The following ADAM12 variants were observed in gnomAD, a reference collection of about 807,000 sequenced individuals.
The protein encoded by ADAM12 is disintegrin and metalloproteinase domain-containing protein 12.
ADAM12 carries 70 observed loss-of-function variants against 106.4 expected under a neutral mutation model. The observed-to-expected ratio is 0.66, with a 90% CI of 0.54 to 0.80. The LOEUF (loss-of-function observed/expected upper bound fraction) is 0.80, where lower values mean the gene tolerates loss of function less well. Among genes scored for constraint, ADAM12 ranks in the 30% least tolerant of loss-of-function variants. The pLI is 0.00. For missense variants in ADAM12, 1,010 were observed against 1,171.9 expected (o/e 0.86, Z 2.02); for synonymous variants, 420 against 433.5 (o/e 0.97, Z 0.39).
At chr10:126,243,965 C>T (rs1270992799) in intron 3 of ADAM12, among the ~76,000 whole-genome samples, 3 of 152,120 alleles carry the variant, frequency 2.0e-5, no homozygotes, top group Non-Finnish European at 4.4e-5. Context: ...TATCAAAATC[C>T]GGGGGATGAC....
intron 3 of ADAM12, among the ~76,000 whole-genome samples, chr10:126,236,138 C>T (rs1958411311): frequency 6.6e-6 from 1 of 152,214 alleles, no homozygotes; most frequent in African/African-American, 2.4e-5. Context: ...GGAATGCCCT[C>T]ACTTGGGAGC....
At position 126,163,284 on chromosome 10, in the gene ADAM12, G is replaced by C. The variant is rs187982318; in HGVS notation, c.261-7979C>G. ...GAGAGCTGTTCTCTTTCTTGGACAC[G>C]TCATGGGAGCAGGTGACTCCTACGG... On this transcript the variant is annotated intron_variant, in intron 3 of 22. Coordinates refer to ENST00000448723, the MANE Select transcript of ADAM12 (RefSeq NM_001288973.2). Among the ~76,000 whole-genome samples, 17 of 152,310 alleles carry C rather than the reference G, an allele frequency of 1.1e-4. No homozygotes were observed. The East Asian group carries it at 3.3e-3, about 29-fold the overall frequency.
At chr10:126,228,912 T>A (rs2011760) in intron 3 of ADAM12, among the ~76,000 whole-genome samples, 1 of 152,182 alleles carries the variant, frequency 6.6e-6, no homozygotes, top group Admixed American at 6.5e-5. Context: ...TTTTATAGAT[T>A]AAGGTTAAAA....
intron 3 of ADAM12, among the ~76,000 whole-genome samples, chr10:126,167,800 T>C (rs1165224083): frequency 1.3e-5 from 2 of 152,222 alleles, no homozygotes; most frequent in Non-Finnish European, 2.9e-5. Context: ...ACATGGTCTA[T>C]GATGTGGGAG....
chr10:126,200,881 G>T (rs1421653815), intron 3 of ADAM12, among the ~76,000 whole-genome samples: 1 of 151,128 alleles, frequency 6.6e-6, no homozygotes, highest in African/African-American at 2.5e-5. Context: ...GGTGGTGGTG[G>T]TTAAATCAAA....
At chr10:126,272,546 G>A (rs1349767930) in intron 3 of ADAM12, among the ~76,000 whole-genome samples, 1 of 152,220 alleles carries the variant, frequency 6.6e-6, no homozygotes, top group Non-Finnish European at 1.5e-5. Context: ...TTCTGATAAA[G>A]ATCAGTTAAT....
intron 3 of ADAM12, among the ~76,000 whole-genome samples, chr10:126,213,325 G>A (rs761928576): frequency 3.9e-5 from 6 of 152,104 alleles, no homozygotes; most frequent in Non-Finnish European, 5.9e-5. Flanking sequence ...CATATGGTTC[G>A]TTCTTTAGAT....
chr10:126,071,614 C>T lies in ADAM12; in HGVS notation c.1186G>A (p.Asp396Asn). 1 of 1,614,148 alleles carries T rather than the reference C, an allele frequency of 6.2e-7. No homozygotes were observed. The highest frequency in any genetic ancestry group is 1.7e-5 in the Admixed American group (1 of 60,024). ...PMVFSSCSRK[D>N]LETSLEKGMG... ...CCTTTCTCCAGGCTGGTCTCCAAGT[C>T]CTTCCTGCTGCAACTGCTGAACACC... Residue 396 changes from aspartate (D) to asparagine (N), a missense_variant, in exon 12 of 23, where the codon GAC becomes AAC. Physicochemically the swap from Asp to Asn is conservative, Grantham distance 23. Around this residue, in one of 3 missense-constraint regions of ADAM12, gnomAD observed 615 missense variants for 708.5 expected, o/e 0.87. Coordinates refer to ENST00000448723, the MANE Select transcript of ADAM12 (RefSeq NM_001288973.2).
At chr10:126,301,588 G>A (rs1319986457) in intron 2 of ADAM12, among the ~76,000 whole-genome samples, 2 of 152,112 alleles carry the variant, frequency 1.3e-5, no homozygotes, top group East Asian at 3.9e-4. Flanking sequence ...TAAGGGGTGG[G>A]GTGGCTGACA....
At chr10:126,170,666 A>G (rs1445143319) in intron 3 of ADAM12, among the ~76,000 whole-genome samples, 1 of 152,202 alleles carries the variant, frequency 6.6e-6, no homozygotes, top group Non-Finnish European at 1.5e-5. Flanking sequence ...GAAGGATTGT[A>G]AAATATAAAA....
chr10:126,116,096 C>T (rs1955977206), intron 6 of ADAM12, among the ~76,000 whole-genome samples: 1 of 152,202 alleles, frequency 6.6e-6, no homozygotes, highest in Non-Finnish European at 1.5e-5. Flanking sequence ...CTCCCCATTT[C>T]TCCACAAGTC....
intron 4 of ADAM12, among the ~76,000 whole-genome samples, chr10:126,137,114 C>T (rs1021371490): frequency 3.9e-5 from 6 of 152,092 alleles, no homozygotes; most frequent in Non-Finnish European, 7.3e-5. Context: ...TTTTGTGGGA[C>T]TGTGAGGTTC....
intron 2 of ADAM12, among the ~76,000 whole-genome samples, chr10:126,308,758 C>T (rs950167915): frequency 3.3e-5 from 5 of 152,196 alleles, no homozygotes; most frequent in African/African-American, 1.2e-4. Flanking sequence ...GAAAACTGAA[C>T]ATCTCATCTC....
rs1179054516 is a variant in ADAM12, at chr10:126,066,325, G to A, written c.1413+392C>T. On this transcript the variant is annotated intron_variant, in intron 13 of 22. Transcript: ENST00000448723. This position sits in a 1 kb window ranked among gnomAD's most constrained non-coding sequence, Gnocchi z 5.1. ...GACAAGCCAGCAGGCAGATGTCCGC[G>A]GGATCAAGAAGATGAACCTGGGGGA... 6.6e-6 allele frequency among the ~76,000 whole-genome samples: 1 copy of A among 152,196 alleles called. No individual in the cohort carries two copies. The highest frequency in any genetic ancestry group is 2.1e-4 in the South Asian group (1 of 4,830).
intron 5 of ADAM12, among the ~76,000 whole-genome samples, chr10:126,119,338 T>C (rs1956044127): frequency 1.3e-5 from 2 of 152,230 alleles, no homozygotes; most frequent in South Asian, 4.1e-4. Context: ...TAATGGTACC[T>C]ACTTCTCAGG....
chr10:126,387,897 G>GT lies in ADAM12; in HGVS notation c.88+160_88+161insA, dbSNP rs1284862851. 1.3e-4 allele frequency among the ~76,000 whole-genome samples: 19 copies of GT among 150,510 alleles called. No homozygotes were observed. The East Asian group carries it at 1.4e-3, about 11-fold the overall frequency. ...CCCAAGGAATTGGCACCTGGGGGGG[G>GT]GGGGTCGGTCTCGCCGCGCTGGAAG... On this transcript the variant is annotated intron_variant, in intron 1 of 22. Coordinates refer to ENST00000448723, the MANE Select transcript of ADAM12 (RefSeq NM_001288973.2).
chr10:126,293,702 G>A (rs1960252451), intron 2 of ADAM12, among the ~76,000 whole-genome samples: 2 of 152,056 alleles, frequency 1.3e-5, no homozygotes, highest in Admixed American at 1.3e-4. Flanking sequence ...TTGTTTTTTA[G>A]TACAGACAGG....
chr10:126,079,359 C>T (rs752170453), intron 11 of ADAM12, among the ~76,000 whole-genome samples: 10 of 152,272 alleles, frequency 6.6e-5, no homozygotes, highest in Non-Finnish European at 1.5e-4. Flanking sequence ...CCCTGCCAAC[C>T]ACGAATCTGC....
At position 126,351,261 on chromosome 10, in the gene ADAM12, G is replaced by A. The variant is rs187578421; in HGVS notation, c.89-20752C>T. Among the ~76,000 whole-genome samples the A allele has an allele frequency of 2.8e-5, 4 of 144,278 alleles. No homozygotes were observed. The East Asian group carries it at 6.8e-4, about 25-fold the overall frequency. The allele number at this position is 144,278 out of a possible 152,430, so 94.7% of individuals were successfully genotyped here. Reference sequence around the variant, plus strand: ...AGTCTCGGCTTTCCTGCAGCTGTCCGGACCTCACCAGATGTGTCCTGGTTG... The same window carrying A: ...AGTCTCGGCTTTCCTGCAGCTGTCCAGACCTCACCAGATGTGTCCTGGTTG... On this transcript the variant is annotated intron_variant, in intron 1 of 22. Transcript: ENST00000448723.
Sources: allele counts gnomAD v4.1 joint callset (sites outside exome capture counted in the v4.1 genomes callset), GRCh38; gene constraint gnomAD v4.1.1; regional missense constraint gnomAD v4.1.1; non-coding constraint Gnocchi (gnomAD v3.1); transcripts MANE v1.5; gene names NCBI Gene and HGNC (gene_info 2026-07-23, HGNC 2026-07-21).